The following THRAP3 variants were observed in gnomAD, a reference collection of about 807,000 sequenced individuals.
The protein encoded by THRAP3 is thyroid hormone receptor-associated protein 3.
THRAP3 carries 16 observed loss-of-function variants against 101.0 expected under a neutral mutation model. That is an observed-to-expected ratio of 0.16 (90% CI 0.11 to 0.24). The LOEUF (loss-of-function observed/expected upper bound fraction) is 0.24, where lower values mean the gene tolerates loss of function less well. Ranked by LOEUF, THRAP3 falls within the 10% of genes least tolerant of loss-of-function variation. The probability of loss-of-function intolerance (pLI) is 1.00; values close to 1 mark genes in which losing one functional copy is unlikely to be tolerated. For missense variants in THRAP3, 989 were observed against 1,202.7 expected, an observed-to-expected ratio of 0.82 and a Z score of 2.63; for synonymous variants, 407 against 422.6, an observed-to-expected ratio of 0.96 and a Z score of 0.45.
At chr1:36,294,333 TCTTAA>T (rs1334999879) in intron 8 of THRAP3, 34 of 654,656 alleles carry the variant, frequency 5.2e-5, no homozygotes, top group African/African-American at 2.8e-4. Flanking sequence ...AATATTCATG[TCTTAA>T]CTTAAGTAGA....
chr1:36,266,650 G>C (rs1645517825), intron 2 of THRAP3, among the ~76,000 whole-genome samples: 1 of 152,094 alleles, frequency 6.6e-6, no homozygotes, highest in African/African-American at 2.4e-5. Context: ...ACCCCAGTAG[G>C]ATTCTGTAGC....
intron 2 of THRAP3, among the ~76,000 whole-genome samples, chr1:36,264,244 TC>T (rs1157965470): frequency 6.6e-6 from 1 of 152,202 alleles, no homozygotes; most frequent in African/African-American, 2.4e-5. Context: ...CCAGGGAAGT[TC>T]CTAAATCTCT....
the THRAP3 span, among the ~76,000 whole-genome samples, chr1:36,219,032 CAAAAAAAAAAA>C: frequency 1.5e-5 from 1 of 64,714 alleles, no homozygotes; most frequent in Admixed American, 1.9e-4. Flanking sequence ...GGCTCCATCT[CAAAAAAAAAAA>C]AAAAAAAAAA....
intron 1 of THRAP3, among the ~76,000 whole-genome samples, chr1:36,249,826 A>G (rs980751862): frequency 6.6e-6 from 1 of 151,922 alleles, no homozygotes; most frequent in African/African-American, 2.4e-5. Context: ...CTAAAAATGT[A>G]GTTTGATTAA....
At chr1:36,259,262 G>A (rs1053250348) in intron 1 of THRAP3, 120 bp from the exon 2 acceptor site, 2 of 394,790 alleles carry the variant, frequency 5.1e-6, no homozygotes, top group African/African-American at 4.1e-5. Flanking sequence ...GAAAAGCTTG[G>A]GTCCTTTTGG....
chr1:36,225,468 G>GT (rs1450059823), intron 1 of THRAP3: 2 of 152,168 alleles, frequency 1.3e-5, no homozygotes, highest in Non-Finnish European at 2.9e-5. Flanking sequence ...ACAGCAGTAA[G>GT]TAACAGTGAC....
At chr1:36,219,785 T>G (rs1644893872), upstream of THRAP3, among the ~76,000 whole-genome samples, 1 of 152,144 alleles carries the variant, frequency 6.6e-6, no homozygotes, top group East Asian at 1.9e-4. Flanking sequence ...AGATGGCATC[T>G]AGGACTTTCA....
chr1:36,224,791 G>T (rs1644941720), intron 1 of THRAP3, among the ~76,000 whole-genome samples: 1 of 152,130 alleles, frequency 6.6e-6, no homozygotes, highest in South Asian at 2.1e-4. Flanking sequence ...GTCGGCCTGG[G>T]GGCGGCCACT....
intron 1 of THRAP3, among the ~76,000 whole-genome samples, chr1:36,252,461 T>A (rs943897469): frequency 1.3e-5 from 2 of 152,154 alleles, no homozygotes; most frequent in African/African-American, 4.8e-5. Flanking sequence ...CTAAATGCAT[T>A]TGTTAGACAA....
At chr1:36,246,456 C>T (rs1386968975) in intron 1 of THRAP3, among the ~76,000 whole-genome samples, 1 of 152,138 alleles carries the variant, frequency 6.6e-6, no homozygotes, top group Non-Finnish European at 1.5e-5. Flanking sequence ...TGGTCCCGAA[C>T]TCCTGATCTC....
chr1:36,252,536 G>A (rs560513220), intron 1 of THRAP3, among the ~76,000 whole-genome samples: 9 of 152,286 alleles, frequency 5.9e-5, no homozygotes, highest in Admixed American at 5.2e-4. Flanking sequence ...TGCTGGCCAA[G>A]AGGCAAAGTT....
chr1:36,256,175 C>G (rs1169637570), intron 1 of THRAP3, among the ~76,000 whole-genome samples: 1 of 146,730 alleles, frequency 6.8e-6, no homozygotes, highest in Non-Finnish European at 1.5e-5. Context: ...AGCCACCACA[C>G]CTGGCCTGCC....
chr1:36,242,532 A>T (rs1293798693), intron 1 of THRAP3, among the ~76,000 whole-genome samples: 1 of 149,980 alleles, frequency 6.7e-6, no homozygotes, highest in Non-Finnish European at 1.5e-5. Flanking sequence ...CGCTCACTGC[A>T]AGCTCTGCCT....
chr1:36,271,323 C>T (rs761003227), intron 2 of THRAP3, among the ~76,000 whole-genome samples: 19 of 152,122 alleles, frequency 1.2e-4, no homozygotes, highest in Non-Finnish European at 2.5e-4. Context: ...CATTCTGTTG[C>T]CCAGGCTGGA....
the THRAP3 span, among the ~76,000 whole-genome samples, chr1:36,214,468 T>A: frequency 6.6e-6 from 1 of 152,182 alleles, no homozygotes; most frequent in East Asian, 1.9e-4. Flanking sequence ...TCTCGTCTCA[T>A]CTGGAATACT....
At chr1:36,242,496 A>T (rs1010711483) in intron 1 of THRAP3, among the ~76,000 whole-genome samples, 2 of 133,398 alleles carry the variant, frequency 1.5e-5, no homozygotes, top group African/African-American at 5.8e-5. Context: ...TCTGTCGCCC[A>T]GGCTGGAGTG....
rs1646076872 is a variant in THRAP3 at position 36,304,672 on chromosome 1, G to A, written c.*655G>A. ...ACCTTGTGTTCCCCTTTTCTGCGCAGCCATGTATCACGTGGAGTTGCTCCT... is the reference window on the plus strand; with the variant it reads ...ACCTTGTGTTCCCCTTTTCTGCGCAACCATGTATCACGTGGAGTTGCTCCT... On this transcript the variant is annotated 3_prime_UTR_variant, in exon 12 of 12. Transcript: ENST00000354618. 9.1e-6 allele frequency: 2 copies of A among 218,870 alleles called. No homozygotes were observed. The highest frequency in any genetic ancestry group is 1.8e-5 in the Non-Finnish European group (2 of 108,818). The allele number at this position is 218,870 out of a possible 1,614,324, so 13.6% of individuals were successfully genotyped here. A position where few individuals can be genotyped will look rare whatever the true frequency, so the allele number is the denominator to read the frequency against.
intron 1 of THRAP3, among the ~76,000 whole-genome samples, chr1:36,227,049 A>G (rs1397393334): frequency 6.6e-6 from 1 of 152,138 alleles, no homozygotes; most frequent in Non-Finnish European, 1.5e-5. Context: ...TAGGATGTCA[A>G]GGAGAGGGTA....
chr1:36,251,213 C>CA (rs1383883086), intron 1 of THRAP3, among the ~76,000 whole-genome samples: 9 of 152,010 alleles, frequency 5.9e-5, no homozygotes. Flanking sequence ...AATAGAGGCT[C>CA]AAGTGATAAG....
Sources: allele counts gnomAD v4.1 joint callset (sites outside exome capture counted in the v4.1 genomes callset), GRCh38; gene constraint gnomAD v4.1.1; transcripts MANE v1.5; gene names NCBI Gene and HGNC (gene_info 2026-07-23, HGNC 2026-07-21).